Variants in SLC2A13 observed in about 807,000 individuals in gnomAD.
SLC2A13 encodes the protein proton myo-inositol cotransporter.
In SLC2A13, 32 loss-of-function variants were observed where a neutral mutation model predicts 64.4. That is an observed-to-expected ratio of 0.50 (90% CI 0.37 to 0.67). The LOEUF is 0.67. Ranked by LOEUF, SLC2A13 falls within the 30% of genes least tolerant of loss-of-function variation. SLC2A13 has a pLI of 0.00. For synonymous variants in SLC2A13, 338 were observed against 327.1 expected, an observed-to-expected ratio of 1.03 and a Z score of -0.36; for missense variants, 743 against 829.2, an observed-to-expected ratio of 0.90 and a Z score of 1.28.
intron 3 of SLC2A13, among the ~76,000 whole-genome samples, chr12:39,956,559 GA>G (rs1361621211): frequency 6.6e-6 from 1 of 151,844 alleles, no homozygotes; most frequent in East Asian, 1.9e-4. Flanking sequence ...AACTGGATAA[GA>G]AAAAAAATTC....
intron 4 of SLC2A13, among the ~76,000 whole-genome samples, chr12:39,883,844 T>C (rs1258013847): frequency 6.6e-6 from 1 of 152,150 alleles, no homozygotes; most frequent in Non-Finnish European, 1.5e-5. Flanking sequence ...GTCAGGAACA[T>C]GCAGGATGAA....
intron 4 of SLC2A13, among the ~76,000 whole-genome samples, chr12:39,903,544 C>A (rs76105244): frequency 0.012 from 1,766 of 152,106 alleles, 28 homozygotes; most frequent in African/African-American, 0.039. Flanking sequence ...TCTGGGGTCC[C>A]TCCGTATGTG....
chr12:39,987,586 T>C (rs1302046522), intron 3 of SLC2A13, among the ~76,000 whole-genome samples: 1 of 152,198 alleles, frequency 6.6e-6, no homozygotes, highest in Non-Finnish European at 1.5e-5. Context: ...CAACAGCATG[T>C]AGAAGGTACC....
chr12:39,889,505 C>T (rs67987793), intron 4 of SLC2A13, among the ~76,000 whole-genome samples: 12,541 of 147,698 alleles, frequency 0.085, 771 homozygotes, highest in African/African-American at 0.15. Context: ...TAGAGGCCGA[C>T]TTTACGCTTC....
intron 7 of SLC2A13, among the ~76,000 whole-genome samples, chr12:39,821,005 A>G (rs962017485): frequency 1.3e-5 from 2 of 151,746 alleles, no homozygotes; most frequent in African/African-American, 4.8e-5. Context: ...TCTACTTCCT[A>G]CTGCACTGCT....
At chr12:39,872,055 T>A (rs1229057328) in intron 4 of SLC2A13, 94 bp from the exon 5 acceptor site, 25 of 1,095,188 alleles carry the variant, frequency 2.3e-5, no homozygotes, top group Middle Eastern at 4.6e-4. Context: ...TTGAAAAAAA[T>A]ATAAGGAGAA....
intron 4 of SLC2A13, among the ~76,000 whole-genome samples, chr12:39,881,076 TA>T (rs1944326589): frequency 6.6e-6 from 1 of 152,180 alleles, no homozygotes; most frequent in Admixed American, 6.5e-5. Flanking sequence ...AAATGTTACA[TA>T]AAGCAACAAA....
chr12:39,978,674 G>A (rs1051361369), intron 3 of SLC2A13, among the ~76,000 whole-genome samples: 7 of 152,062 alleles, frequency 4.6e-5, no homozygotes, highest in African/African-American at 1.2e-4. Flanking sequence ...AGGGTCCTAC[G>A]CCCACGGAAT....
In SLC2A13 at chr12:39,785,357, G is replaced by T. The variant is rs552207049; in HGVS notation, c.1446-20499C>A. Among the ~76,000 whole-genome samples the T allele has an allele frequency of 2.6e-5, 4 of 152,332 alleles. No individual in the cohort carries two copies. The South Asian group carries it at 8.3e-4, about 32-fold the overall frequency. ...CAGAGAGTGGAAGCCCTAAGCCTTGGCAGCTTCCATGTGGCGTTGAGCCTG... is the reference window on the plus strand; with the variant it reads ...CAGAGAGTGGAAGCCCTAAGCCTTGTCAGCTTCCATGTGGCGTTGAGCCTG... On this transcript the variant is annotated intron_variant, in intron 7 of 9. Transcript: ENST00000280871.
intron 3 of SLC2A13, among the ~76,000 whole-genome samples, chr12:39,956,223 A>T (rs528324917): frequency 6.6e-6 from 1 of 152,308 alleles, no homozygotes; most frequent in South Asian, 2.1e-4. Context: ...AAAAATACTG[A>T]ATTTGTTAAA....
Position 40,028,680 on chromosome 12 carries a change from T to C in SLC2A13, c.717-171A>G, listed in dbSNP as rs548344695. Among the ~76,000 whole-genome samples the C allele has an allele frequency of 3.3e-5, 5 of 152,318 alleles. No homozygotes were observed. The South Asian group carries it at 1.0e-3, about 32-fold the overall frequency. On this transcript the variant is annotated intron_variant, in intron 2 of 9. Transcript: ENST00000280871. Reference sequence around the variant, plus strand: ...CTAGGAAAAAAGGATATTTTTGTGCTGCACTGAAAATTAAAAAATGAGAAA... The same window carrying C: ...CTAGGAAAAAAGGATATTTTTGTGCCGCACTGAAAATTAAAAAATGAGAAA...
At chr12:39,787,418 C>T (rs183010494) in intron 7 of SLC2A13, among the ~76,000 whole-genome samples, 11 of 152,272 alleles carry the variant, frequency 7.2e-5, no homozygotes, top group Admixed American at 5.2e-4. Context: ...TTACACATTA[C>T]AATATTCCCT....
chr12:40,030,154 C>T (rs745447891), intron 2 of SLC2A13, among the ~76,000 whole-genome samples: 1 of 152,152 alleles, frequency 6.6e-6, no homozygotes, highest in Non-Finnish European at 1.5e-5. Flanking sequence ...TAGGTAACAA[C>T]TCTTCTGGGT....
At chr12:39,927,432 C>T (rs1456167215) in intron 4 of SLC2A13, among the ~76,000 whole-genome samples, 1 of 151,880 alleles carries the variant, frequency 6.6e-6, no homozygotes, top group African/African-American at 2.4e-5. Flanking sequence ...GTTTTTTTCC[C>T]CCAAATGTCA....
intron 4 of SLC2A13, among the ~76,000 whole-genome samples, chr12:39,922,954 A>T (rs1945641095): frequency 6.6e-6 from 1 of 152,234 alleles, no homozygotes; most frequent in Admixed American, 6.5e-5. Flanking sequence ...GTCCTCAAAA[A>T]TTGAAAGAAA....
chr12:40,088,250 G>T (rs1482282), intron 1 of SLC2A13, among the ~76,000 whole-genome samples: 17,793 of 152,156 alleles, frequency 0.12, 1,392 homozygotes, highest in Middle Eastern at 0.18. Flanking sequence ...TGCTTGGTAG[G>T]ATCTGAACAC....
chr12:39,971,983 G>GAAAAAA lies in SLC2A13; in HGVS notation c.926-20624_926-20619dup, dbSNP rs1174701447. Among the ~76,000 whole-genome samples, 553 of 95,740 alleles carry GAAAAAA rather than the reference G, an allele frequency of 5.8e-3. 18 individuals are homozygous for GAAAAAA. Among genetic ancestry groups the GAAAAAA allele is most frequent in the East Asian group, 8.6e-3 (32 of 3,714 alleles). The allele number at this position is 95,740 out of a possible 152,430, so 62.8% of individuals were successfully genotyped here. The stretch of plus-strand genomic sequence containing the variant: ...AGGGGATGGAGCAAGAGTGTCTCCA[G>GAAAAAA]AAAAAAAAAAAAAAATATATATATA... On this transcript the variant is annotated intron_variant, in intron 3 of 9. Coordinates refer to ENST00000280871, the MANE Select transcript of SLC2A13 (RefSeq NM_052885.4).
At position 40,014,614 on chromosome 12, in the gene SLC2A13, C is replaced by T. The variant is rs1342530005; in HGVS notation, c.925+13687G>A. On this transcript the variant is annotated intron_variant, in intron 3 of 9. Coordinates refer to ENST00000280871, the MANE Select transcript of SLC2A13 (RefSeq NM_052885.4). Reference sequence around the variant, plus strand: ...TCAAGCAATTCTCCTGCCTCAGCCTCCCAAGCAGCTGGGATTACAGGCATA... The same window carrying T: ...TCAAGCAATTCTCCTGCCTCAGCCTTCCAAGCAGCTGGGATTACAGGCATA... Among the ~76,000 whole-genome samples, 3 of 152,154 alleles carry T rather than the reference C, an allele frequency of 2.0e-5. 1 individual carries two copies. Among genetic ancestry groups the T allele is most frequent in the Non-Finnish European group, 4.4e-5 (3 of 68,020 alleles).
At position 39,830,135 on chromosome 12, in the gene SLC2A13, A is replaced by G. The variant is rs1942812098; in HGVS notation, c.1413T>C (p.Asn471=). The G allele has an allele frequency of 1.9e-6, 3 of 1,613,638 alleles. No individual in the cohort carries two copies. Among genetic ancestry groups the G allele is most frequent in the Non-Finnish European group, 2.5e-6 (3 of 1,179,792 alleles). Residue 471 remains asparagine, a synonymous_variant, in exon 7 of 10, where the codon AAT becomes AAC. Transcript: ENST00000280871. ...AGGCTGCCTCATTTGTAGATGCTTT[A>G]TTAACTGGAACACAGGAGGAGTCAA... is the stretch of plus-strand genomic sequence containing the variant. ...TVIDSSCVPV[N]KASTNEAAWG...
Sources: gnomAD v4.1 joint callset for allele counts (sites outside exome capture counted in the v4.1 genomes callset) on GRCh38, gnomAD v4.1.1 for gene constraint, MANE v1.5 for transcripts, NCBI Gene and HGNC (gene_info 2026-07-23, HGNC 2026-07-21) for gene names.